The following SF3A3 variants were observed in gnomAD, a reference collection of about 807,000 sequenced individuals.
The protein encoded by SF3A3 is splicing factor 3a subunit 3, also known as SAP 61.
A neutral mutation model predicts 85.8 loss-of-function variants in SF3A3; 9 were observed. That is an observed-to-expected ratio of 0.10 (90% CI 0.06 to 0.18). The LOEUF (loss-of-function observed/expected upper bound fraction) is 0.18. Ranked by LOEUF, SF3A3 falls within the 10% of genes least tolerant of loss-of-function variation. SF3A3 has a pLI of 1.00. For missense variants in SF3A3, 306 were observed against 593.3 expected (o/e 0.52, Z 5.03); for synonymous variants, 195 against 204.4 (o/e 0.95, Z 0.39).
chr1:37,974,259 A>C (rs1646363923), intron 12 of SF3A3, among the ~76,000 whole-genome samples: 1 of 150,752 alleles, frequency 6.6e-6, no homozygotes, highest in Non-Finnish European at 1.5e-5. Context: ...TATTTCCTTA[A>C]CCAGGACTTT....
chr1:37,965,315 A>AAG lies in SF3A3; in HGVS notation c.1372+2728_1372+2729insCT, dbSNP rs1443968940. ...ACCCCATCGGCACAAAAAAAAAAAA[A>AAG]AAAAGAAAATAAACTCAGAATAGTT... is the stretch of plus-strand genomic sequence containing the variant. On this transcript the variant is annotated intron_variant, in intron 15 of 16. Transcript: ENST00000373019. 1.0e-4 allele frequency among the ~76,000 whole-genome samples: 15 copies of AAG among 142,978 alleles called. No individual in the cohort carries two copies. The South Asian group carries it at 3.2e-3, about 30-fold the overall frequency. 93.8% of individuals were successfully genotyped at this position (142,978 alleles called of 152,430 possible).
At chr1:37,963,297 G>C (rs1481521498) in intron 15 of SF3A3, among the ~76,000 whole-genome samples, 1 of 152,124 alleles carries the variant, frequency 6.6e-6, no homozygotes, top group Non-Finnish European at 1.5e-5. Flanking sequence ...CCTGGGCAAA[G>C]AGCAAGACCC....
At chr1:37,976,420 C>T (rs1004881880) in intron 12 of SF3A3, among the ~76,000 whole-genome samples, 6 of 152,162 alleles carry the variant, frequency 3.9e-5, no homozygotes, top group Non-Finnish European at 7.4e-5. Flanking sequence ...CAGCTTTGTA[C>T]TAATAATATT....
intron 7 of SF3A3, among the ~76,000 whole-genome samples, chr1:37,981,050 C>T (rs572085417): frequency 1.3e-5 from 2 of 151,854 alleles, no homozygotes; most frequent in East Asian, 1.9e-4. Flanking sequence ...TGTTTCTCCA[C>T]GTTGGTCAGG....
At chr1:37,977,107 ACT>A (rs747017361) in intron 11 of SF3A3, among the ~76,000 whole-genome samples, 154 bp from the exon 12 acceptor site, 3 of 152,096 alleles carry the variant, frequency 2.0e-5, no homozygotes, top group South Asian at 2.1e-4. Flanking sequence ...TCATCTCAGG[ACT>A]CTCTGACAAA....
In SF3A3 at chr1:37,979,281, A is replaced by G. The variant is rs184992146; in HGVS notation, c.759+184T>C. ...TTTACTACGGCTTAATGTAGTTAGAATAATTATTTCAGTTTCCCAAGTAGT... is the reference window on the plus strand; with the variant it reads ...TTTACTACGGCTTAATGTAGTTAGAGTAATTATTTCAGTTTCCCAAGTAGT... On this transcript the variant is annotated intron_variant, in intron 9 of 16. Coordinates refer to ENST00000373019, the MANE Select transcript of SF3A3 (RefSeq NM_006802.4). 1,147 of 624,956 alleles carry G rather than the reference A, an allele frequency of 1.8e-3. 14 individuals carry two copies. The highest frequency in any genetic ancestry group is 7.1e-4 in the Non-Finnish European group (250 of 349,900). The allele number at this position is 624,956 out of a possible 1,614,324, so 38.7% of individuals were successfully genotyped here. A position where few individuals can be genotyped will look rare whatever the true frequency, so the allele number is the denominator to read the frequency against.
chr1:37,966,675 G>T (rs1048950882), intron 15 of SF3A3, among the ~76,000 whole-genome samples: 1 of 151,936 alleles, frequency 6.6e-6, no homozygotes, highest in African/African-American at 2.4e-5. Flanking sequence ...GGTGGATCAC[G>T]CCTGTAATCG....
chr1:37,986,030 C>T (rs1441222020), intron 4 of SF3A3, among the ~76,000 whole-genome samples: 2 of 147,384 alleles, frequency 1.4e-5, no homozygotes, highest in African/African-American at 5.0e-5. Flanking sequence ...CTCACTGCAA[C>T]CTCCATGTCC....
At chr1:37,968,669 T>C (rs1646319015) in intron 14 of SF3A3, among the ~76,000 whole-genome samples, 1 of 152,140 alleles carries the variant, frequency 6.6e-6, no homozygotes, top group African/African-American at 2.4e-5. Context: ...ACTCCAATCA[T>C]TGTAGGAGGT....
chr1:37,980,738 C>T lies in SF3A3; in HGVS notation c.552-14G>A, dbSNP rs1294208887. On this transcript the variant is annotated splice_polypyrimidine_tract_variant and intron_variant, in intron 7 of 16. Transcript: ENST00000373019. ...ATCTCTAGGTATCTACAGAGGAACA[C>T]ACAATGCAGACAAAGCAAAAAGGGT... 6.3e-7 allele frequency: 1 copy of T among 1,592,744 alleles called. No homozygotes were observed. Among genetic ancestry groups the T allele is most frequent in the Non-Finnish European group, 8.6e-7 (1 of 1,165,694 alleles).
At position 37,958,008 on chromosome 1, in the gene SF3A3, C is replaced by T; in HGVS notation, c.*178G>A. 3.5e-6 allele frequency: 2 copies of T among 574,096 alleles called. No individual in the cohort carries two copies. The highest frequency in any genetic ancestry group is 2.3e-5 in the South Asian group (1 of 43,070). 35.6% of individuals were successfully genotyped at this position (574,096 alleles called of 1,614,324 possible). On this transcript the variant is annotated 3_prime_UTR_variant, in exon 17 of 17. Transcript: ENST00000373019. ...TGGCAGAATCTTTTAAAATATAAAACAGATAAAACACATCTCAACCCTGCA... is the reference window on the plus strand; with the variant it reads ...TGGCAGAATCTTTTAAAATATAAAATAGATAAAACACATCTCAACCCTGCA...
chr1:37,978,642 G>T, intron 11 of SF3A3, 78 bp downstream of exon 11: 1 of 849,286 alleles, frequency 1.2e-6, no homozygotes. Context: ...AGGCTTTAAA[G>T]TCTCCACTGT....
chr1:37,987,907 G>T (rs1646467288), intron 2 of SF3A3, 71 bp from the exon 3 acceptor site: 4 of 1,272,730 alleles, frequency 3.1e-6, no homozygotes, highest in Non-Finnish European at 3.4e-6. Context: ...AACAACAAGG[G>T]TTCTCCAGTC....
Position 37,989,991 on chromosome 1 carries a change from T to C in SF3A3, c.-26A>G. The C allele has an allele frequency of 6.4e-7, 1 of 1,563,242 alleles. No homozygotes were observed. The highest frequency in any genetic ancestry group is 1.3e-5 in the African/African-American group (1 of 74,166). On this transcript the variant is annotated 5_prime_UTR_variant, in exon 1 of 17. Transcript: ENST00000373019. ...CTTCCCTTAGTCGCGGCTTCTCAAT[T>C]CAGACCACCAACACGGCCGGAAGCA...
intron 12 of SF3A3, among the ~76,000 whole-genome samples, chr1:37,974,294 CCACTTTTT>C (rs1210548895): frequency 3.6e-4 from 42 of 115,880 alleles, no homozygotes; most frequent in African/African-American, 1.3e-3. Context: ...ACCAAGATGA[CCACTTTTT>C]TTTTTTTTTT....
chr1:37,978,345 A>G (rs1646394085), intron 11 of SF3A3, among the ~76,000 whole-genome samples: 1 of 152,062 alleles, frequency 6.6e-6, no homozygotes, highest in Non-Finnish European at 1.5e-5. Flanking sequence ...TCAAAAAAAA[A>G]AAAAAAGAAA....
chr1:37,984,930 C>G (rs1283614587), intron 4 of SF3A3, 151 bp from the exon 5 acceptor site: 4 of 623,486 alleles, frequency 6.4e-6, no homozygotes, highest in African/African-American at 3.7e-5. Context: ...GCCTCGGCCA[C>G]CCGAGTAGCT....
At chr1:37,981,460 C>T (rs1319419548) in intron 7 of SF3A3, among the ~76,000 whole-genome samples, 3 of 152,086 alleles carry the variant, frequency 2.0e-5, no homozygotes, top group Non-Finnish European at 4.4e-5. Flanking sequence ...ACAGAAATCC[C>T]AGAGTGGGAG....
chr1:37,969,045 C>T (rs1646321142), intron 14 of SF3A3, among the ~76,000 whole-genome samples: 1 of 152,060 alleles, frequency 6.6e-6, no homozygotes, highest in Admixed American at 6.6e-5. Flanking sequence ...GAGAAATAAC[C>T]AAGAAGTCAG....
Sources: gnomAD v4.1 joint callset for allele counts (sites outside exome capture counted in the v4.1 genomes callset) on GRCh38, gnomAD v4.1.1 for gene constraint, MANE v1.5 for transcripts, NCBI Gene and HGNC (gene_info 2026-07-23, HGNC 2026-07-21) for gene names.